The following LINC00632 variants were observed in gnomAD, a reference collection of about 807,000 sequenced individuals.
LINC00632 encodes the protein ALDOA related specific transcript.
exon 4 of LINC00632, chrX:140,772,473 TA>T (rs1931815057): frequency 3.4e-6 from 1 of 293,996 alleles, no homozygotes; most frequent in Non-Finnish European, 5.9e-6. Flanking sequence ...ATGCGTGAGT[TA>T]GGGGTGAGAA....
intron 2 of LINC00632, among the ~76,000 whole-genome samples, chrX:140,723,662 CAT>C (rs1181138812): frequency 0.02 from 28 of 1,376 alleles, 5 homozygotes; most frequent in Non-Finnish European, 0.035. Flanking sequence ...ACACACATTC[CAT>C]ATACACACAT....
intron 3 of LINC00632, among the ~76,000 whole-genome samples, chrX:140,762,209 A>AAGAGAGAGAGAGAGAGAGAG (rs35880613): frequency 2.1e-4 from 14 of 67,123 alleles, no homozygotes; most frequent in African/African-American, 6.2e-4. Context: ...GTTTTTCGAA[A>AAGAGAGAGAGAGAGAGAGAG]AGAGAGAGAG....
chrX:140,713,756 C>G (rs182344611), intron 2 of LINC00632: 20 of 338,495 alleles, frequency 5.9e-5, no homozygotes, highest in Non-Finnish European at 8.8e-5. Flanking sequence ...TCATTAGACT[C>G]TCCCAGAGGC....
At chrX:140,785,137 A>G (rs900713986) in exon 5 of LINC00632, among the ~76,000 whole-genome samples, 55 of 108,779 alleles carry the variant, frequency 5.1e-4, no homozygotes, top group Admixed American at 3.7e-3. Flanking sequence ...ATTTTAAATG[A>G]TATTAATTTT....
At chrX:140,788,380 A>G (rs1444440809) in exon 5 of LINC00632, among the ~76,000 whole-genome samples, 4 of 110,503 alleles carry the variant, frequency 3.6e-5, no homozygotes, top group Non-Finnish European at 5.7e-5. Context: ...GCATGAATCA[A>G]TGAGACACTG....
In LINC00632 at chrX:140,771,683, A is replaced by ATT. The variant is rs1286518719; in HGVS notation, n.192-394_192-393insTT. On this transcript the variant is annotated intron_variant and non_coding_transcript_variant, in intron 3 of 4. Coordinates refer to ENST00000648200, the Ensembl canonical transcript of LINC00632. ...TGTGTGTGTATATATATATATATATATATTTTTTTTTTTTGAGACGGAATC... is the reference window on the plus strand; with the variant it reads ...TGTGTGTGTATATATATATATATATATTTATTTTTTTTTTTTGAGACGGAATC... Among the ~76,000 whole-genome samples the ATT allele has an allele frequency of 4.9e-3, 291 of 59,014 alleles. 7 individuals carry two copies. The highest frequency in any genetic ancestry group is 0.024 in the African/African-American group (277 of 11,702). 51.2% of individuals were successfully genotyped at this position (59,014 alleles called of 115,157 possible).
exon 5 of LINC00632, chrX:140,783,481 C>T (rs1324052011): frequency 1.1e-6 from 1 of 874,109 alleles, no homozygotes; most frequent in East Asian, 3.2e-5. Context: ...GGTCTTCCAT[C>T]AAATACAGAT....
intron 3 of LINC00632, among the ~76,000 whole-genome samples, chrX:140,758,914 T>C (rs1243656429): frequency 9.1e-6 from 1 of 110,090 alleles, no homozygotes; most frequent in African/African-American, 3.3e-5. Context: ...GGCTGATTTC[T>C]CCATGGCTCA....
intron 2 of LINC00632, among the ~76,000 whole-genome samples, chrX:140,729,311 C>T (rs754579540): frequency 9.2e-5 from 10 of 109,258 alleles, no homozygotes; most frequent in African/African-American, 1.3e-4. Context: ...AGAATTGGAC[C>T]GCAAGTTCCA....
chrX:140,729,877 CTTTT>C (rs1207034823), intron 2 of LINC00632, among the ~76,000 whole-genome samples: 4 of 90,860 alleles, frequency 4.4e-5, no homozygotes, highest in Non-Finnish European at 2.2e-5. Flanking sequence ...TTTCTTTTTT[CTTTT>C]TTTTTTTTTT....
At chrX:140,718,368 C>T (rs1021674904) in intron 2 of LINC00632, among the ~76,000 whole-genome samples, 8 of 109,257 alleles carry the variant, frequency 7.3e-5, no homozygotes, top group African/African-American at 1.3e-4. Flanking sequence ...ATACTCTCAC[C>T]GCTCTTTTCC....
At chrX:140,742,872 AGAGAGAGG>A (rs1569351777) in intron 3 of LINC00632, among the ~76,000 whole-genome samples, 3 of 93,492 alleles carry the variant, frequency 3.2e-5, no homozygotes, top group African/African-American at 1.4e-4. Context: ...AGAGAGAGAG[AGAGAGAGG>A]AAGGAAGGAA....
intron 3 of LINC00632, among the ~76,000 whole-genome samples, chrX:140,749,663 G>T (rs1375922059): frequency 9.0e-6 from 1 of 110,698 alleles, no homozygotes; most frequent in Non-Finnish European, 1.9e-5. Flanking sequence ...TTTAAGTTTT[G>T]CAGTTTTAAT....
At chrX:140,717,360 G>A (rs886667156) in intron 2 of LINC00632, among the ~76,000 whole-genome samples, 1 of 110,241 alleles carries the variant, frequency 9.1e-6, no homozygotes, top group Non-Finnish European at 1.9e-5. Context: ...CCATAAATCT[G>A]ACTTACCGAA....
chrX:140,742,610 A>T (rs1931240940), intron 3 of LINC00632, among the ~76,000 whole-genome samples: 1 of 110,479 alleles, frequency 9.1e-6, no homozygotes, highest in African/African-American at 3.3e-5. Context: ...GCAAGTACAT[A>T]AAAAAAATCA....
intron 3 of LINC00632, among the ~76,000 whole-genome samples, chrX:140,767,736 GATTT>G (rs1931716513): frequency 8.9e-6 from 1 of 111,819 alleles, no homozygotes; most frequent in Non-Finnish European, 1.9e-5. Flanking sequence ...GAGGAGAGGG[GATTT>G]ATTAGAGAAA....
At chrX:140,751,156 G>A (rs745990157) in intron 3 of LINC00632, among the ~76,000 whole-genome samples, 3 of 111,118 alleles carry the variant, frequency 2.7e-5, no homozygotes, top group Non-Finnish European at 5.7e-5. Context: ...TGGGATTGTT[G>A]GATCAAATGG....
chrX:140,728,668 T>C (rs1020403662), intron 2 of LINC00632, among the ~76,000 whole-genome samples: 2 of 111,952 alleles, frequency 1.8e-5, no homozygotes, highest in African/African-American at 6.5e-5. Context: ...TGTCCTTCAA[T>C]GTACAAAATA....
chrX:140,714,925 A>G (rs1930598064), intron 2 of LINC00632: 1 of 111,039 alleles, frequency 9.0e-6, no homozygotes, highest in Non-Finnish European at 1.9e-5. Context: ...TAAAATATCT[A>G]GACCTTACCC....
Sources: gnomAD v4.1 joint callset for allele counts (sites outside exome capture counted in the v4.1 genomes callset) on GRCh38, gnomAD v4.1.1 for gene constraint, MANE v1.5 for transcripts, NCBI Gene and HGNC (gene_info 2026-07-23, HGNC 2026-07-21) for gene names.